The following SLIT2 variants were observed in gnomAD, a reference collection of about 807,000 sequenced individuals.
SLIT2 encodes the protein slit guidance ligand 2.
Under a neutral mutation model 185.7 loss-of-function variants are expected in SLIT2, and 41 were observed. That is an observed-to-expected ratio of 0.22 (90% CI 0.17 to 0.29). SLIT2 has a LOEUF of 0.29. SLIT2 is among the 10% of genes least tolerant of loss of function. The pLI, the probability that SLIT2 is intolerant of heterozygous loss-of-function variation, is 1.00. For synonymous variants in SLIT2, 693 were observed against 680.2 expected (o/e 1.02, Z -0.29); for missense variants, 1,571 against 1,909.0 (o/e 0.82, Z 3.30).
chr4:20,527,960 A>G lies in SLIT2; in HGVS notation c.1463-989A>G, dbSNP rs563180810. Among the ~76,000 whole-genome samples the G allele has an allele frequency of 2.0e-5, 3 of 152,120 alleles. No homozygotes were observed. The South Asian group carries it at 6.2e-4, about 32-fold the overall frequency. On this transcript the variant is annotated intron_variant, in intron 15 of 36. Coordinates refer to ENST00000504154, the MANE Select transcript of SLIT2 (RefSeq NM_004787.4). Reference sequence around the variant, plus strand: ...CTTGGTCTTTGGCACCTTTTTTTCAAGAAGAAACCACAGATCTTTTGAGCT... The same window carrying G: ...CTTGGTCTTTGGCACCTTTTTTTCAGGAAGAAACCACAGATCTTTTGAGCT...
Position 20,510,578 on chromosome 4 carries a change from A to C in SLIT2, c.986+12A>C. ...AAGCTTAGACGAATGTGAGTGAACAATATTCTACAATATATGTAATTTTAA... is the reference window on the plus strand; with the variant it reads ...AAGCTTAGACGAATGTGAGTGAACACTATTCTACAATATATGTAATTTTAA... On this transcript the variant is annotated intron_variant, in intron 10 of 36. Transcript: ENST00000504154. 1 of 1,490,686 alleles carries C rather than the reference A, an allele frequency of 6.7e-7. No individual in the cohort carries two copies. The highest frequency in any genetic ancestry group is 9.3e-7 in the Non-Finnish European group (1 of 1,070,992). The allele number at this position is 1,490,686 out of a possible 1,614,324, so 92.3% of individuals were successfully genotyped here.
Position 20,567,685 on chromosome 4 carries a change from T to G in SLIT2, c.2948+70T>G. 3 of 1,216,570 alleles carry G rather than the reference T, an allele frequency of 2.5e-6. No homozygotes were observed. The Admixed American group carries it at 5.2e-5, about 21-fold the overall frequency. The allele number at this position is 1,216,570 out of a possible 1,614,324, so 75.4% of individuals were successfully genotyped here. A position where few individuals can be genotyped will look rare whatever the true frequency, so the allele number is the denominator to read the frequency against. ...AAAGATAACTAAGCCAACATACATT[T>G]TCCTTTTCAAATCAAAGGACAGTAT... On this transcript the variant is annotated intron_variant, in intron 28 of 36. Transcript: ENST00000504154.
intron 4 of SLIT2, among the ~76,000 whole-genome samples, chr4:20,401,409 T>G (rs1420458050): frequency 6.6e-6 from 1 of 151,936 alleles, no homozygotes. Flanking sequence ...GGCTTCCTGC[T>G]TTGTGCTTCA....
At chr4:20,313,698 G>T (rs1253454094) in intron 4 of SLIT2, among the ~76,000 whole-genome samples, 1 of 152,074 alleles carries the variant, frequency 6.6e-6, no homozygotes, top group Non-Finnish European at 1.5e-5. Flanking sequence ...GATTGTTTTG[G>T]GATGAAACTG....
intron 4 of SLIT2, among the ~76,000 whole-genome samples, chr4:20,380,301 A>ATC (rs1323579322): frequency 2.6e-5 from 4 of 152,200 alleles, no homozygotes; most frequent in African/African-American, 9.6e-5. Context: ...GCTTAGCTAT[A>ATC]TCCCAGAATA....
chr4:20,584,511 C>T (rs532137806), intron 29 of SLIT2, among the ~76,000 whole-genome samples: 5 of 152,298 alleles, frequency 3.3e-5, no homozygotes, highest in Non-Finnish European at 7.3e-5. Context: ...TAAACCAGGA[C>T]GGTTGTACAA....
At chr4:20,491,458 G>A (rs1224442066) in intron 8 of SLIT2, among the ~76,000 whole-genome samples, 1 of 152,152 alleles carries the variant, frequency 6.6e-6, no homozygotes, top group African/African-American at 2.4e-5. Flanking sequence ...TTGGAAATTA[G>A]AATAGTTTTG....
chr4:20,596,773 A>G lies in SLIT2; in HGVS notation c.3561+118A>G. On this transcript the variant is annotated intron_variant, in intron 32 of 36. Transcript: ENST00000504154. Reference sequence around the variant, plus strand: ...ATGTCTTAAATAGACAGTTAAAAACAGAAAATGCTCCTTGTGTGGACAGCG... The same window carrying G: ...ATGTCTTAAATAGACAGTTAAAAACGGAAAATGCTCCTTGTGTGGACAGCG... The G allele has an allele frequency of 3.0e-5, 29 of 977,756 alleles. 1 individual carries two copies. The South Asian group carries it at 5.0e-4, about 17-fold the overall frequency. 60.6% of individuals were successfully genotyped at this position (977,756 alleles called of 1,614,324 possible).
At chr4:20,543,143 TGGAAGAAACTAGCA>T (rs1381274796) in intron 21 of SLIT2, among the ~76,000 whole-genome samples, 3 of 151,992 alleles carry the variant, frequency 2.0e-5, no homozygotes, top group Admixed American at 1.3e-4. Flanking sequence ...ATCTGGTATA[TGGAAGAAACTAGCA>T]TAATCTCTTC....
chr4:20,294,068 C>CT lies in SLIT2; in HGVS notation c.395+25188dup. ...TCTTTAGAAAGTACCCACATATTGTCTGGGTGTGGTGGCTCATGCCTGTAA... is the reference window on the plus strand; with the variant it reads ...TCTTTAGAAAGTACCCACATATTGTCTTGGGTGTGGTGGCTCATGCCTGTAA... On this transcript the variant is annotated intron_variant, in intron 4 of 36. Transcript: ENST00000504154. Among the ~76,000 whole-genome samples the CT allele has an allele frequency of 2.6e-5, 4 of 152,034 alleles. No homozygotes were observed. In the South Asian group the frequency reaches 8.3e-4, roughly 32 times the overall value.
chr4:20,331,642 T>G (rs1720077492), intron 4 of SLIT2, among the ~76,000 whole-genome samples: 2 of 152,172 alleles, frequency 1.3e-5, no homozygotes, highest in South Asian at 2.1e-4. Flanking sequence ...TGAAGTATAA[T>G]TCAAATGCCA....
intron 3 of SLIT2, among the ~76,000 whole-genome samples, chr4:20,264,267 T>C (rs774375994): frequency 1.6e-4 from 24 of 151,874 alleles, no homozygotes; most frequent in Non-Finnish European, 3.5e-4. Context: ...AAAATTTACC[T>C]GAGAAGGTGG....
In SLIT2 at chr4:20,283,628, C is replaced by T. The variant is rs1006543608; in HGVS notation, c.395+14747C>T. On this transcript the variant is annotated intron_variant, in intron 4 of 36. Transcript: ENST00000504154. Reference sequence around the variant, plus strand: ...AAAATTACCATCTCATCTCTTAGTTCCCCCAGTAAGTTGCTTTGGGGTCAC... The same window carrying T: ...AAAATTACCATCTCATCTCTTAGTTTCCCCAGTAAGTTGCTTTGGGGTCAC... Among the ~76,000 whole-genome samples, 6 of 152,180 alleles carry T rather than the reference C, an allele frequency of 3.9e-5. No homozygotes were observed. The South Asian group carries it at 1.0e-3, about 26-fold the overall frequency.
chr4:20,339,109 A>G (rs1009060184), intron 4 of SLIT2, among the ~76,000 whole-genome samples: 19 of 151,310 alleles, frequency 1.3e-4, no homozygotes, highest in East Asian at 5.8e-4. Flanking sequence ...AAAAAAAAAA[A>G]AAAGAAAGAC....
At chr4:20,545,541 T>C (rs1209566465) in intron 21 of SLIT2, among the ~76,000 whole-genome samples, 2 of 152,004 alleles carry the variant, frequency 1.3e-5, no homozygotes, top group Non-Finnish European at 2.9e-5. Flanking sequence ...CAAGAAGATA[T>C]ATGCTGGTTA....
At chr4:20,543,996 G>C (rs992158341) in intron 21 of SLIT2, among the ~76,000 whole-genome samples, 3 of 152,038 alleles carry the variant, frequency 2.0e-5, no homozygotes, top group African/African-American at 7.2e-5. Context: ...TCCACAGGAT[G>C]GGGAACATCA....
intron 12 of SLIT2, 76 bp downstream of exon 12, chr4:20,519,529 G>A: frequency 1.2e-6 from 1 of 850,918 alleles, no homozygotes; most frequent in Non-Finnish European, 1.9e-6. Context: ...TATTTTTATG[G>A]AGGCCTTGGA....
intron 4 of SLIT2, among the ~76,000 whole-genome samples, chr4:20,350,610 T>C (rs1721793148): frequency 6.6e-6 from 1 of 152,238 alleles, no homozygotes; most frequent in Non-Finnish European, 1.5e-5. Context: ...ATCATTATTA[T>C]GTAAATATTT....
intron 24 of SLIT2, among the ~76,000 whole-genome samples, chr4:20,549,843 G>A (rs1577907344): frequency 6.6e-6 from 1 of 151,920 alleles, no homozygotes; most frequent in African/African-American, 2.4e-5. Flanking sequence ...GGAGGAACCA[G>A]AACTGATTCA....
Sources: gnomAD v4.1 joint callset for allele counts (sites outside exome capture counted in the v4.1 genomes callset) on GRCh38, gnomAD v4.1.1 for gene constraint, MANE v1.5 for transcripts, NCBI Gene and HGNC (gene_info 2026-07-23, HGNC 2026-07-21) for gene names.